Variants in MICU3 observed in about 807,000 individuals in gnomAD.
MICU3 encodes the protein mitochondrial calcium uptake 3.
A neutral mutation model predicts 66.5 loss-of-function variants in MICU3; 62 were observed. That is an observed-to-expected ratio of 0.93 (90% CI 0.76 to 1.15). MICU3 has a LOEUF of 1.15. Ranked by LOEUF, MICU3 falls within the 50% of genes most tolerant of loss-of-function variation. MICU3 has a pLI of 0.00. For missense variants in MICU3, 779 were observed against 664.4 expected, an observed-to-expected ratio of 1.17 and a Z score of -1.90; for synonymous variants, 308 against 240.7, an observed-to-expected ratio of 1.28 and a Z score of -2.59.
At chr8:17,030,310 C>T (rs1465906477) in intron 1 of MICU3, among the ~76,000 whole-genome samples, 2 of 152,208 alleles carry the variant, frequency 1.3e-5, no homozygotes, top group Non-Finnish European at 2.9e-5. Flanking sequence ...TTACCTGTCT[C>T]TTACTTGAGA....
At chr8:17,099,295 A>G (rs992623777) in intron 9 of MICU3, among the ~76,000 whole-genome samples, 1 of 151,810 alleles carries the variant, frequency 6.6e-6, no homozygotes, top group Non-Finnish European at 1.5e-5. Flanking sequence ...AAGACTTTTC[A>G]ATAAATACTG....
intron 2 of MICU3, among the ~76,000 whole-genome samples, chr8:17,065,828 T>C (rs1818587936): frequency 6.6e-6 from 1 of 152,096 alleles, no homozygotes; most frequent in Non-Finnish European, 1.5e-5. Context: ...CAATATTTGA[T>C]TGCAAAAGAG....
chr8:17,061,520 A>G (rs1817820280), intron 1 of MICU3, among the ~76,000 whole-genome samples: 1 of 152,150 alleles, frequency 6.6e-6, no homozygotes, highest in Non-Finnish European at 1.5e-5. Context: ...TAGAGACAGA[A>G]GCCACAGATC....
chr8:17,115,106 G>A (rs1436255600), intron 12 of MICU3, among the ~76,000 whole-genome samples: 4 of 124,758 alleles, frequency 3.2e-5, no homozygotes, highest in African/African-American at 1.3e-4. Flanking sequence ...GCGACAGAGC[G>A]AGACTCCGTC....
chr8:17,092,311 G>A lies in MICU3; in HGVS notation c.888+1727G>A, dbSNP rs548099574. Among the ~76,000 whole-genome samples the A allele has an allele frequency of 5.9e-5, 9 of 151,266 alleles. No individual in the cohort carries two copies. The South Asian group carries it at 8.4e-4, about 14-fold the overall frequency. ...TATGCATTTTTTTTTAGAAAAATAC[G>A]TCTCAGAATAACGTTGCTAAAAGAA... On this transcript the variant is annotated intron_variant, in intron 8 of 14. Coordinates refer to ENST00000318063, the MANE Select transcript of MICU3 (RefSeq NM_181723.3).
At chr8:17,060,177 G>C (rs1817597724) in intron 1 of MICU3, among the ~76,000 whole-genome samples, 1 of 152,092 alleles carries the variant, frequency 6.6e-6, no homozygotes, top group Admixed American at 6.6e-5. Context: ...TTGAGTTTCT[G>C]TTTCACTCTC....
intron 12 of MICU3, among the ~76,000 whole-genome samples, chr8:17,115,533 G>A (rs114062002): frequency 2.3e-3 from 355 of 152,264 alleles, no homozygotes; most frequent in African/African-American, 8.2e-3. Flanking sequence ...TCTTGCAGGC[G>A]CTAGAAATAC....
intron 2 of MICU3, among the ~76,000 whole-genome samples, chr8:17,066,704 C>G (rs969334803): frequency 6.6e-6 from 1 of 151,224 alleles, no homozygotes; most frequent in African/African-American, 2.4e-5. Context: ...CACCATGCCA[C>G]CAGCTAATTT....
chr8:17,116,312 A>G, intron 12 of MICU3, 131 bp from the exon 13 acceptor site: 1 of 533,430 alleles, frequency 1.9e-6, no homozygotes, highest in Non-Finnish European at 3.1e-6. Flanking sequence ...CAGCAGGATT[A>G]ATGGAAGGCC....
chr8:17,067,534 A>G lies in MICU3; in HGVS notation c.536-2154A>G, dbSNP rs1360804491. Among the ~76,000 whole-genome samples the G allele has an allele frequency of 2.6e-5, 4 of 151,706 alleles. No homozygotes were observed. In the South Asian group the frequency reaches 8.3e-4, roughly 32 times the overall value. On this transcript the variant is annotated intron_variant, in intron 2 of 14. Coordinates refer to ENST00000318063, the MANE Select transcript of MICU3 (RefSeq NM_181723.3). Reference sequence around the variant, plus strand: ...AACCTCCGCTTCCTGGGTTCAAGTGATTCTCCTGCCTCAGCCTCCTGAATA... The same window carrying G: ...AACCTCCGCTTCCTGGGTTCAAGTGGTTCTCCTGCCTCAGCCTCCTGAATA...
intron 1 of MICU3, among the ~76,000 whole-genome samples, chr8:17,033,428 C>G (rs529565110): frequency 2.6e-5 from 4 of 152,170 alleles, no homozygotes; most frequent in African/African-American, 9.6e-5. Context: ...AGATTAAGGC[C>G]TTAATTATCA....
intron 4 of MICU3, among the ~76,000 whole-genome samples, chr8:17,080,076 C>G (rs1820953648): frequency 6.6e-6 from 1 of 151,420 alleles, no homozygotes; most frequent in African/African-American, 2.4e-5. Context: ...TACTATATGC[C>G]TAGCTTTTTT....
chr8:17,029,020 C>T (rs1278603572), intron 1 of MICU3, among the ~76,000 whole-genome samples: 5 of 152,162 alleles, frequency 3.3e-5, no homozygotes, highest in African/African-American at 1.2e-4. Context: ...AACTTTGGCT[C>T]CACGACTTGC....
intron 11 of MICU3, among the ~76,000 whole-genome samples, chr8:17,111,984 G>A (rs1437184339): frequency 6.6e-6 from 1 of 152,154 alleles, no homozygotes; most frequent in Non-Finnish European, 1.5e-5. Flanking sequence ...GAGAAAGAGA[G>A]AACACACAGG....
intron 8 of MICU3, among the ~76,000 whole-genome samples, chr8:17,095,962 C>T (rs1338996962): frequency 6.6e-6 from 1 of 151,960 alleles, no homozygotes; most frequent in Non-Finnish European, 1.5e-5. Context: ...GTCACACTTA[C>T]AGGGCACACT....
At chr8:17,057,345 G>T (rs559644152) in intron 1 of MICU3, among the ~76,000 whole-genome samples, 1 of 152,144 alleles carries the variant, frequency 6.6e-6, no homozygotes, top group South Asian at 2.1e-4. Context: ...CAGGAGCTCA[G>T]TTCTTGTTCC....
At chr8:17,089,047 C>A (rs560561988) in intron 7 of MICU3, among the ~76,000 whole-genome samples, 10 of 151,826 alleles carry the variant, frequency 6.6e-5, no homozygotes, top group African/African-American at 2.2e-4. Flanking sequence ...TTTTAAAGAA[C>A]AGATTAAAAT....
intron 11 of MICU3, among the ~76,000 whole-genome samples, chr8:17,106,576 G>A (rs374336820): frequency 2.5e-4 from 37 of 146,830 alleles, no homozygotes; most frequent in African/African-American, 8.8e-4. Context: ...TTTATTAAAT[G>A]GAAATATTAA....
At chr8:17,062,337 C>G (rs1225048067) in intron 1 of MICU3, among the ~76,000 whole-genome samples, 1 of 152,132 alleles carries the variant, frequency 6.6e-6, no homozygotes, top group East Asian at 1.9e-4. Flanking sequence ...GTCTCTCCAG[C>G]CAGCATTCTC....
Sources: gnomAD v4.1 joint callset for allele counts (sites outside exome capture counted in the v4.1 genomes callset) on GRCh38, gnomAD v4.1.1 for gene constraint, MANE v1.5 for transcripts, NCBI Gene and HGNC (gene_info 2026-07-23, HGNC 2026-07-21) for gene names.